DLGAP1: variants seen among roughly 807,000 people sequenced by gnomAD.
The protein encoded by DLGAP1 is DLG associated protein 1, also known as disks large-associated protein 1.
DLGAP1 carries 11 observed loss-of-function variants against 90.8 expected under a neutral mutation model. The ratio of observed to expected loss-of-function variants is 0.12; its 90% confidence interval spans 0.08 to 0.20. The LOEUF is 0.20. Among genes scored for constraint, DLGAP1 ranks in the 10% least tolerant of loss-of-function variants. The pLI, the probability that DLGAP1 is intolerant of heterozygous loss-of-function variation, is 1.00. For missense variants in DLGAP1, 1,050 were observed against 1,333.8 expected, an observed-to-expected ratio of 0.79 and a Z score of 3.31; for synonymous variants, 558 against 540.7, an observed-to-expected ratio of 1.03 and a Z score of -0.44.
intron 5 of DLGAP1, among the ~76,000 whole-genome samples, chr18:3,794,351 A>T (rs1428652222): frequency 6.6e-6 from 1 of 152,232 alleles, no homozygotes; most frequent in African/African-American, 2.4e-5. Flanking sequence ...GACAGTGTGC[A>T]TTATTGTGAT....
intron 7 of DLGAP1, among the ~76,000 whole-genome samples, chr18:3,631,247 G>A (rs1343615311): frequency 6.6e-6 from 1 of 152,038 alleles, no homozygotes; most frequent in Non-Finnish European, 1.5e-5. Context: ...GCCTTCCAAA[G>A]TGCTGGCATT....
chr18:4,149,480 CG>C (rs2076637811), intron 2 of DLGAP1, among the ~76,000 whole-genome samples: 1 of 152,164 alleles, frequency 6.6e-6, no homozygotes, highest in African/African-American at 2.4e-5. Context: ...CATTATGTCC[CG>C]GGGTTCACTT....
chr18:4,284,619 AG>A (rs2079637641), intron 1 of DLGAP1, among the ~76,000 whole-genome samples: 1 of 152,194 alleles, frequency 6.6e-6, no homozygotes, highest in Admixed American at 6.5e-5. Context: ...CTTAGTCACT[AG>A]GAACTGATGT....
chr18:4,298,332 T>C (rs1191622130), intron 1 of DLGAP1, among the ~76,000 whole-genome samples: 1 of 152,210 alleles, frequency 6.6e-6, no homozygotes, highest in East Asian at 1.9e-4. Flanking sequence ...AACTGTAATC[T>C]GAGACCCTCC....
At chr18:3,681,818 G>A (rs1208419313) in intron 7 of DLGAP1, among the ~76,000 whole-genome samples, 1 of 152,058 alleles carries the variant, frequency 6.6e-6, no homozygotes, top group Non-Finnish European at 1.5e-5. Context: ...GTGAATTCGT[G>A]TGAGATCTGG....
intron 2 of DLGAP1, among the ~76,000 whole-genome samples, chr18:4,083,562 G>T (rs181762915): frequency 6.6e-6 from 1 of 152,058 alleles, no homozygotes; most frequent in Non-Finnish European, 1.5e-5. Flanking sequence ...ATTCTTACAT[G>T]GTTACCAAGA....
rs1271032583 is a variant in DLGAP1, at chr18:3,497,875, C to G, written c.*1310G>C. On this transcript the variant is annotated 3_prime_UTR_variant, in exon 13 of 13. Transcript: ENST00000315677. ...CCCCCACCTCTTCATGGCTGTTGAC[C>G]CTGGCAGGTCGAGTTTCTTCTCTCA... 1 of 152,168 alleles carries G rather than the reference C, an allele frequency of 6.6e-6. No individual in the cohort carries two copies. Among genetic ancestry groups the G allele is most frequent in the African/African-American group, 2.4e-5 (1 of 41,420 alleles). The allele number at this position is 152,168 out of a possible 1,614,324, so 9.4% of individuals were successfully genotyped here.
At chr18:3,907,846 A>G (rs989204329) in intron 3 of DLGAP1, among the ~76,000 whole-genome samples, 1 of 152,182 alleles carries the variant, frequency 6.6e-6, no homozygotes, top group Non-Finnish European at 1.5e-5. Context: ...GACGTAACCC[A>G]TTCAGGATGC....
chr18:3,932,474 T>C (rs373812823), intron 3 of DLGAP1, among the ~76,000 whole-genome samples: 6 of 152,318 alleles, frequency 3.9e-5, no homozygotes, highest in African/African-American at 1.2e-4. Context: ...AGATGGAACA[T>C]TGCAGAAATA....
intron 5 of DLGAP1, among the ~76,000 whole-genome samples, chr18:3,788,196 C>T (rs1475109700): frequency 6.6e-6 from 1 of 152,210 alleles, no homozygotes; most frequent in Admixed American, 6.5e-5. Context: ...CTTTCTTCAT[C>T]TGAAACATGA....
chr18:3,646,817 C>T (rs966425674), intron 7 of DLGAP1, among the ~76,000 whole-genome samples: 14 of 151,770 alleles, frequency 9.2e-5, no homozygotes, highest in Non-Finnish European at 1.8e-4. Flanking sequence ...CCCAGCTACT[C>T]GGGAGGCTGA....
chr18:4,155,270 A>G (rs1032749794), intron 1 of DLGAP1, among the ~76,000 whole-genome samples: 1 of 152,144 alleles, frequency 6.6e-6, no homozygotes, highest in Non-Finnish European at 1.5e-5. Context: ...TGCACAATTT[A>G]CTTCTACAAA....
chr18:4,222,180 T>G (rs2144978644), intron 1 of DLGAP1, among the ~76,000 whole-genome samples: 1 of 152,306 alleles, frequency 6.6e-6, no homozygotes, highest in African/African-American at 2.4e-5. Flanking sequence ...CAGTCCAAAC[T>G]TCTCTGAATT....
At chr18:3,845,100 C>T in intron 4 of DLGAP1, 2 of 1,151,580 alleles carry the variant, frequency 1.7e-6, no homozygotes, top group South Asian at 1.7e-5. Context: ...TGTTCATCCC[C>T]AGTTCACAGA....
chr18:3,560,171 A>G (rs2053993227), intron 9 of DLGAP1, among the ~76,000 whole-genome samples: 1 of 150,920 alleles, frequency 6.6e-6, no homozygotes, highest in South Asian at 2.1e-4. Flanking sequence ...CTGTAATCCC[A>G]GCACTTTGGG....
At chr18:4,314,211 G>C (rs548989064) in intron 1 of DLGAP1, among the ~76,000 whole-genome samples, 8 of 152,192 alleles carry the variant, frequency 5.3e-5, no homozygotes, top group Non-Finnish European at 8.8e-5. Flanking sequence ...GCAGCACATT[G>C]ATTCAGAACT....
At chr18:3,964,652 C>G (rs1222406659) in intron 3 of DLGAP1, among the ~76,000 whole-genome samples, 1 of 152,114 alleles carries the variant, frequency 6.6e-6, no homozygotes, top group African/African-American at 2.4e-5. Flanking sequence ...GGGGTATCAG[C>G]AAGAAGAACC....
chr18:3,686,029 T>C (rs2060692218), intron 7 of DLGAP1, among the ~76,000 whole-genome samples: 1 of 151,798 alleles, frequency 6.6e-6, no homozygotes, highest in Non-Finnish European at 1.5e-5. Context: ...CAGAAAAATT[T>C]AATTGGGCAT....
chr18:4,332,874 C>T (rs536561839), intron 1 of DLGAP1, among the ~76,000 whole-genome samples: 1 of 151,896 alleles, frequency 6.6e-6, no homozygotes, highest in Admixed American at 6.6e-5. Context: ...TTTCTGCCTA[C>T]CTGTATTTAC....
Sources: gnomAD v4.1 joint callset for allele counts (sites outside exome capture counted in the v4.1 genomes callset) on GRCh38, gnomAD v4.1.1 for gene constraint, MANE v1.5 for transcripts, NCBI Gene and HGNC (gene_info 2026-07-23, HGNC 2026-07-21) for gene names.